Variants in PDE11A observed in about 807,000 individuals in gnomAD.
PDE11A encodes dual 3',5'-cyclic-AMP and -GMP phosphodiesterase 11A.
A neutral mutation model predicts 100.5 loss-of-function variants in PDE11A; 100 were observed. The observed-to-expected ratio is 1.00, with a 90% CI of 0.85 to 1.18. The LOEUF is 1.18. Ranked by LOEUF, PDE11A falls within the 50% of genes most tolerant of loss-of-function variation. The pLI, the probability that PDE11A is intolerant of heterozygous loss-of-function variation, is 0.00. For synonymous variants in PDE11A, 381 were observed against 420.8 expected, an observed-to-expected ratio of 0.91 and a Z score of 1.16; for missense variants, 1,141 against 1,152.6, an observed-to-expected ratio of 0.99 and a Z score of 0.15.
chr2:177,731,135 T>A (rs1465111938), intron 10 of PDE11A, among the ~76,000 whole-genome samples: 1 of 152,236 alleles, frequency 6.6e-6, no homozygotes, highest in Admixed American at 6.5e-5. Context: ...TTAAGCTGAA[T>A]AATATTCCAT....
chr2:177,690,079 C>T (rs1369058317), intron 15 of PDE11A, among the ~76,000 whole-genome samples: 1 of 152,098 alleles, frequency 6.6e-6, no homozygotes, highest in African/African-American at 2.4e-5. Context: ...TTAAGAAGTG[C>T]TATTTGGCTA....
chr2:177,920,798 C>A (rs1036356591), intron 2 of PDE11A, among the ~76,000 whole-genome samples: 3 of 152,126 alleles, frequency 2.0e-5, no homozygotes, highest in African/African-American at 7.2e-5. Context: ...CGCGGTCGCT[C>A]ATGCCTGTAA....
At chr2:177,742,781 T>C (rs2081892440) in intron 10 of PDE11A, among the ~76,000 whole-genome samples, 1 of 152,162 alleles carries the variant, frequency 6.6e-6, no homozygotes, top group Non-Finnish European at 1.5e-5. Flanking sequence ...AAGACAAGGC[T>C]AGGAAAGTAA....
Position 177,914,031 on chromosome 2 carries a change from C to G in PDE11A, c.1072-8844G>C, listed in dbSNP as rs1440520247. 3.3e-5 allele frequency among the ~76,000 whole-genome samples: 5 copies of G among 152,164 alleles called. No individual in the cohort carries two copies. In the East Asian group the frequency reaches 7.7e-4, roughly 23 times the overall value. ...TTCATTTACCCCAACTCATACAACA[C>G]TGGGTATTACCATTCTTTTAAAATC... On this transcript the variant is annotated intron_variant, in intron 2 of 19. Coordinates refer to ENST00000286063, the MANE Select transcript of PDE11A (RefSeq NM_016953.4).
At chr2:178,028,318 A>AAAAAT in intron 1 of PDE11A, among the ~76,000 whole-genome samples, 1 of 149,082 alleles carries the variant, frequency 6.7e-6, no homozygotes, top group Non-Finnish European at 1.5e-5. Context: ...AAAAAAAAAA[A>AAAAAT]TGGGGACATG....
chr2:177,899,434 A>C, intron 3 of PDE11A: 1 of 196,278 alleles, frequency 5.1e-6, no homozygotes, highest in Non-Finnish European at 1.1e-5. Flanking sequence ...CAATAACAAC[A>C]AAAAAACAAA....
At chr2:177,989,376 T>C (rs2085976572) in intron 2 of PDE11A, among the ~76,000 whole-genome samples, 1 of 152,176 alleles carries the variant, frequency 6.6e-6, no homozygotes, top group African/African-American at 2.4e-5. Context: ...GAGTCAAATC[T>C]TTCTATCATA....
intron 6 of PDE11A, among the ~76,000 whole-genome samples, chr2:177,830,813 T>C (rs1184973404): frequency 6.6e-6 from 1 of 151,804 alleles, no homozygotes; most frequent in Non-Finnish European, 1.5e-5. Context: ...AGATGACCCA[T>C]AAACATGAGG....
Position 178,053,917 on chromosome 2 carries a change from C to T in PDE11A, c.912+17609G>A, listed in dbSNP as rs370949213. On this transcript the variant is annotated intron_variant, in intron 1 of 19. Transcript: ENST00000286063. Reference sequence around the variant, plus strand: ...CTCATGGATAGGGAGAATCAGATCACGAAAATGGCCATACTGCCCAAAGTA... The same window carrying T: ...CTCATGGATAGGGAGAATCAGATCATGAAAATGGCCATACTGCCCAAAGTA... Among the ~76,000 whole-genome samples the T allele has an allele frequency of 4.0e-4, 61 of 152,144 alleles. 2 individuals are homozygous for T. In the East Asian group the frequency reaches 8.9e-3, roughly 22 times the overall value.
At chr2:177,827,802 G>T (rs1330631681) in intron 6 of PDE11A, among the ~76,000 whole-genome samples, 1 of 152,212 alleles carries the variant, frequency 6.6e-6, no homozygotes, top group Non-Finnish European at 1.5e-5. Context: ...TTTGTAAATA[G>T]AGTATGCATT....
chr2:177,819,937 T>C (rs920500102), intron 7 of PDE11A, among the ~76,000 whole-genome samples: 1 of 150,180 alleles, frequency 6.7e-6, no homozygotes, highest in African/African-American at 2.5e-5. Flanking sequence ...TCTCTGCCTC[T>C]ATTTCCACAG....
At chr2:177,998,086 G>T in intron 2 of PDE11A, 1 of 1,305,148 alleles carries the variant, frequency 7.7e-7, no homozygotes, top group Non-Finnish European at 1.1e-6. Flanking sequence ...AGGATCTGAG[G>T]GATTGAAGGT....
At chr2:177,785,379 C>T (rs6718657) in intron 9 of PDE11A, among the ~76,000 whole-genome samples, 50,523 of 137,446 alleles carry the variant, frequency 0.37, 8,774 homozygotes, top group African/African-American at 0.42. Context: ...GTTAGAATAG[C>T]GTTTAAAGAC....
At chr2:177,638,921 G>A (rs1336879391) in intron 19 of PDE11A, among the ~76,000 whole-genome samples, 1 of 152,180 alleles carries the variant, frequency 6.6e-6, no homozygotes, top group African/African-American at 2.4e-5. Flanking sequence ...TTCCTCACAT[G>A]GATATGATGA....
intron 19 of PDE11A, among the ~76,000 whole-genome samples, chr2:177,645,887 T>G (rs1164706678): frequency 6.6e-6 from 1 of 152,222 alleles, no homozygotes; most frequent in Non-Finnish European, 1.5e-5. Flanking sequence ...TCCCCAAGAT[T>G]TGAAGCAGAT....
At chr2:177,635,447 A>T (rs2080024633) in intron 19 of PDE11A, among the ~76,000 whole-genome samples, 1 of 152,194 alleles carries the variant, frequency 6.6e-6, no homozygotes, top group Admixed American at 6.5e-5. Context: ...TATGGGACAC[A>T]GCCTGGGCAT....
intron 19 of PDE11A, among the ~76,000 whole-genome samples, chr2:177,648,469 T>C (rs2105456618): frequency 6.6e-6 from 1 of 152,332 alleles, no homozygotes; most frequent in East Asian, 1.9e-4. Context: ...TTTTAAATGT[T>C]GGAAAGTTTC....
At chr2:177,954,268 A>G (rs1023226019) in intron 2 of PDE11A, among the ~76,000 whole-genome samples, 5 of 151,884 alleles carry the variant, frequency 3.3e-5, no homozygotes, top group African/African-American at 7.3e-5. Flanking sequence ...AATGGGGGGG[A>G]AATGTTACTT....
At chr2:178,000,264 A>G (rs1218194475) in intron 2 of PDE11A, among the ~76,000 whole-genome samples, 1 of 152,246 alleles carries the variant, frequency 6.6e-6, no homozygotes, top group East Asian at 1.9e-4. Flanking sequence ...CTAAATCACT[A>G]CATACTGTTA....
Sources: allele counts gnomAD v4.1 joint callset (sites outside exome capture counted in the v4.1 genomes callset), GRCh38; gene constraint gnomAD v4.1.1; transcripts MANE v1.5; gene names NCBI Gene and HGNC (gene_info 2026-07-23, HGNC 2026-07-21).